SYTL3: variants seen among roughly 807,000 people sequenced by gnomAD.
The protein encoded by SYTL3 is synaptotagmin-like protein 3.
SYTL3 carries 88 observed loss-of-function variants against 82.1 expected under a neutral mutation model. That is an observed-to-expected ratio of 1.07 (90% CI 0.90 to 1.28). SYTL3 has a LOEUF of 1.28. SYTL3 is among the 50% of genes most tolerant of loss of function. The pLI is 0.00. For synonymous variants in SYTL3, 311 were observed against 289.4 expected, an observed-to-expected ratio of 1.07 and a Z score of -0.76; for missense variants, 831 against 757.6, an observed-to-expected ratio of 1.10 and a Z score of -1.14.
chr6:158,748,690 C>A (rs1787968510), intron 12 of SYTL3, among the ~76,000 whole-genome samples: 1 of 151,600 alleles, frequency 6.6e-6, no homozygotes, highest in South Asian at 2.1e-4. Flanking sequence ...ACTAAAAATA[C>A]AAAAATTAGC....
At chr6:158,676,688 T>A (rs1043572747) in intron 5 of SYTL3, among the ~76,000 whole-genome samples, 6 of 151,958 alleles carry the variant, frequency 3.9e-5, no homozygotes, top group African/African-American at 1.5e-4. Context: ...GAATCTACAA[T>A]GAACTCAAAC....
At chr6:158,699,499 C>G (rs144622076) in intron 6 of SYTL3, among the ~76,000 whole-genome samples, 6 of 152,244 alleles carry the variant, frequency 3.9e-5, no homozygotes, top group African/African-American at 1.4e-4. Flanking sequence ...CACAGACATG[C>G]CAGCTTCAGG....
At chr6:158,739,346 A>G (rs1786622627) in intron 11 of SYTL3, among the ~76,000 whole-genome samples, 1 of 152,082 alleles carries the variant, frequency 6.6e-6, no homozygotes, top group Non-Finnish European at 1.5e-5. Context: ...TCTACCATTA[A>G]GATTTTCTCT....
chr6:158,731,894 A>T (rs1004215551), intron 11 of SYTL3, among the ~76,000 whole-genome samples: 2 of 152,154 alleles, frequency 1.3e-5, no homozygotes, highest in African/African-American at 4.8e-5. Context: ...TGCCTGGCCA[A>T]CATAACTAAA....
At position 158,674,092 on chromosome 6, in the gene SYTL3, A is replaced by AATAATAATAATAAT. The variant is rs1554244687; in HGVS notation, c.329+8481_329+8494dup. Among the ~76,000 whole-genome samples the AATAATAATAATAAT allele has an allele frequency of 2.5e-5, 3 of 120,998 alleles. No individual in the cohort carries two copies. The East Asian group carries it at 1.5e-3, about 60-fold the overall frequency. The allele number at this position is 120,998 out of a possible 152,430, so 79.4% of individuals were successfully genotyped here. A position where few individuals can be genotyped will look rare whatever the true frequency, so the allele number is the denominator to read the frequency against. On this transcript the variant is annotated intron_variant, in intron 5 of 17. Coordinates refer to ENST00000611299, the MANE Select transcript of SYTL3 (RefSeq NM_001242394.2). ...TAGTGAGACTGTGTCTCAAAATAAT[A>AATAATAATAATAAT]ATAATAATAATAATAATAATAATAA...
chr6:158,663,378 G>T lies in SYTL3; in HGVS notation c.110G>T (p.Arg37Leu), dbSNP rs376260554. The T allele has an allele frequency of 7.3e-5, 117 of 1,613,194 alleles. No individual in the cohort carries two copies. The highest frequency in any genetic ancestry group is 9.2e-5 in the Non-Finnish European group (109 of 1,179,948). Residue 37 changes from arginine to leucine, a missense_variant and splice_region_variant, in exon 4 of 18, where the codon CGG becomes CTG. Arg to Leu is a moderately radical substitution (Grantham distance 102, BLOSUM62 -2). Transcript: ENST00000611299. ...CAAAACACAGAGGAGGAGAGGACAC[G>T]GTAGGCTGCCCTTCCCGGGGGGTCA... is the stretch of plus-strand genomic sequence containing the variant. Reference protein sequence around the residue: ...AVQNTEEERTRKLKTHLQHLR... With the variant: ...AVQNTEEERTLKLKTHLQHLR...
Position 158,691,305 on chromosome 6 carries a change from C to T in SYTL3, c.394+8316C>T, listed in dbSNP as rs538178189. 3.0e-3 allele frequency among the ~76,000 whole-genome samples: 450 copies of T among 151,934 alleles called. 3 individuals carry two copies. Among genetic ancestry groups the T allele is most frequent in the African/African-American group, 9.9e-3 (411 of 41,378 alleles). ...GAGGTTGCAGTGAGCCAAGATCATG[C>T]CACTGCATCCAGCCTGGGCAGCAAC... On this transcript the variant is annotated intron_variant, in intron 6 of 17. Transcript: ENST00000611299.
At chr6:158,759,677 G>A (rs1029331279) in intron 14 of SYTL3, among the ~76,000 whole-genome samples, 2 of 152,016 alleles carry the variant, frequency 1.3e-5, no homozygotes, top group Non-Finnish European at 2.9e-5. Context: ...GATTATAGGC[G>A]CCCGTCACCA....
intron 5 of SYTL3, among the ~76,000 whole-genome samples, chr6:158,671,041 T>C (rs564590452): frequency 1.3e-5 from 2 of 152,034 alleles, no homozygotes; most frequent in Middle Eastern, 3.4e-3. Flanking sequence ...CCTGATCTAG[T>C]GTTCCGCCCG....
chr6:158,732,085 A>G (rs563334504), intron 11 of SYTL3, among the ~76,000 whole-genome samples: 8 of 152,362 alleles, frequency 5.3e-5, no homozygotes, highest in African/African-American at 1.9e-4. Context: ...TAGTAGCTGT[A>G]TTAGTAAAAA....
intron 6 of SYTL3, among the ~76,000 whole-genome samples, chr6:158,689,953 C>T (rs1019691264): frequency 6.6e-6 from 1 of 152,232 alleles, no homozygotes; most frequent in Non-Finnish European, 1.5e-5. Context: ...CATGTTAACT[C>T]TTTACAATCA....
chr6:158,713,862 TG>T lies in SYTL3; in HGVS notation c.580del (p.Ala194LeufsTer4). 1 of 1,550,646 alleles carries T rather than the reference TG, an allele frequency of 6.4e-7. No homozygotes were observed. The highest frequency in any genetic ancestry group is 8.7e-7 in the Non-Finnish European group (1 of 1,146,638). On this transcript the variant is annotated frameshift_variant, in exon 9 of 18. Transcript: ENST00000611299. LOFTEE classifies it high-confidence loss of function. ...CCGTGGAAAATTTGTTTCTGTCTCT[TG>T]CTACCCACGTGAAAAGTAAGTGCAT... Reference protein sequence around the residue: ...KSVENLFLSLATHVKKLSKSQ... With the variant: ...KSVENLFLSLXTHVKKLSKSQ...
In SYTL3 at chr6:158,693,844, C is replaced by CTTTTACTTTTTTTTTTTTTTTTTTTTT. The variant is rs763990639; in HGVS notation, c.394+10859_394+10860insACTTTTTTTTTTTTTTTTTTTTTTTTT. 7.2e-4 allele frequency among the ~76,000 whole-genome samples: 40 copies of CTTTTACTTTTTTTTTTTTTTTTTTTTT among 55,604 alleles called. 4 individuals carry two copies. Among genetic ancestry groups the CTTTTACTTTTTTTTTTTTTTTTTTTTT allele is most frequent in the South Asian group, 1.7e-3 (3 of 1,740 alleles). 36.5% of individuals were successfully genotyped at this position (55,604 alleles called of 152,430 possible). ...AGGTGTGCCACTGCATCCAGCCTTTCTTTTTCTTTTCTTTTTTTTTTTTTT... is the reference window on the plus strand; with the variant it reads ...AGGTGTGCCACTGCATCCAGCCTTTCTTTTACTTTTTTTTTTTTTTTTTTTTTTTTTTCTTTTCTTTTTTTTTTTTTT... On this transcript the variant is annotated intron_variant, in intron 6 of 17. Coordinates refer to ENST00000611299, the MANE Select transcript of SYTL3 (RefSeq NM_001242394.2).
At chr6:158,683,567 T>C (rs1369810821) in intron 6 of SYTL3, among the ~76,000 whole-genome samples, 1 of 152,176 alleles carries the variant, frequency 6.6e-6, no homozygotes, top group Non-Finnish European at 1.5e-5. Context: ...TTTCCCTGGC[T>C]TCCTGCTTCT....
intron 6 of SYTL3, among the ~76,000 whole-genome samples, chr6:158,689,844 G>T (rs903744318): frequency 6.6e-6 from 1 of 152,008 alleles, no homozygotes; most frequent in African/African-American, 2.4e-5. Context: ...AGTAGAGACG[G>T]GGTTTCATTA....
At chr6:158,717,085 C>T (rs527800549) in intron 9 of SYTL3, among the ~76,000 whole-genome samples, 26 of 152,220 alleles carry the variant, frequency 1.7e-4, no homozygotes, top group Non-Finnish European at 3.2e-4. Flanking sequence ...AGTTCGAGAC[C>T]AGCCTGGCCA....
intron 11 of SYTL3, among the ~76,000 whole-genome samples, chr6:158,744,416 C>G (rs1787357421): frequency 6.7e-6 from 1 of 149,322 alleles, no homozygotes; most frequent in Admixed American, 6.9e-5. Flanking sequence ...ACGCCATTCT[C>G]CTGCCTCAGC....
chr6:158,685,749 C>T (rs377132439), intron 6 of SYTL3, among the ~76,000 whole-genome samples: 3 of 152,022 alleles, frequency 2.0e-5, no homozygotes, highest in Admixed American at 1.3e-4. Context: ...AGCTGGGAGG[C>T]GGAGGTTGCT....
At chr6:158,698,937 A>AT (rs1562390255) in intron 6 of SYTL3, among the ~76,000 whole-genome samples, 1 of 152,030 alleles carries the variant, frequency 6.6e-6, no homozygotes, top group African/African-American at 2.4e-5. Context: ...CTTACACAGG[A>AT]TGTTATTCCC....
Sources: gnomAD v4.1 joint callset for allele counts (sites outside exome capture counted in the v4.1 genomes callset) on GRCh38, gnomAD v4.1.1 for gene constraint, MANE v1.5 for transcripts, NCBI Gene and HGNC (gene_info 2026-07-23, HGNC 2026-07-21) for gene names.